Variants in TMEM201 observed in about 807,000 individuals in gnomAD.
TMEM201 encodes the protein transmembrane protein 201.
Under a neutral mutation model 63.4 loss-of-function variants are expected in TMEM201, and 26 were observed. That is an observed-to-expected ratio of 0.41 (90% CI 0.30 to 0.57). The LOEUF is 0.57. TMEM201 is among the 20% of genes least tolerant of loss of function. TMEM201 has a pLI of 0.29. For missense variants in TMEM201, 794 were observed against 917.7 expected, an observed-to-expected ratio of 0.87 and a Z score of 1.74; for synonymous variants, 417 against 421.6, an observed-to-expected ratio of 0.99 and a Z score of 0.14.
At position 9,595,951 on chromosome 1, in the gene TMEM201, T is replaced by A. The variant is rs763903933; in HGVS notation, c.175T>A (p.Tyr59Asn). The change falls in exon 2 of 11, where the codon TAT becomes AAT. Residue 59 changes from tyrosine to asparagine, a missense_variant. By Grantham distance (143) the Tyr-to-Asn change is moderately radical (BLOSUM62 -2). Coordinates refer to ENST00000340381, the MANE Select transcript of TMEM201 (RefSeq NM_001130924.3). ...CTGCAACCAGGATACGCTGGTGCCC[T>A]ATGGGAACCGCAACTGCTGGGACTG... is the stretch of plus-strand genomic sequence containing the variant. The part of the protein sequence containing the change: ...WFCNQDTLVP[Y>N]GNRNCWDCPH... The A allele has an allele frequency of 2.5e-6, 4 of 1,613,662 alleles. No individual in the cohort carries two copies. The highest frequency in any genetic ancestry group is 1.1e-5 in the South Asian group (1 of 91,064).
In TMEM201 at chr1:9,604,751, G is replaced by A. The variant is rs1055526663; in HGVS notation, c.1160+2479G>A. ...ACCGCCAGGACGCAGCCTCCACGCC[G>A]CACCTGCCACATTCAGCCCTGCCCA... On this transcript the variant is annotated intron_variant, in intron 6 of 10. Coordinates refer to ENST00000340381, the MANE Select transcript of TMEM201 (RefSeq NM_001130924.3). The surrounding 1 kb of genome is among the most constrained non-coding windows in gnomAD (Gnocchi z 4.1). 22 of 985,844 alleles carry A rather than the reference G, an allele frequency of 2.2e-5. No homozygotes were observed. The highest frequency in any genetic ancestry group is 1.1e-4 in the East Asian group (1 of 8,822). The allele number at this position is 985,844 out of a possible 1,614,324, so 61.1% of individuals were successfully genotyped here. A position where few individuals can be genotyped will look rare whatever the true frequency, so the allele number is the denominator to read the frequency against.
In TMEM201 at chr1:9,603,030, TG is replaced by T; in HGVS notation, c.1160+759del. On this transcript the variant is annotated intron_variant, in intron 6 of 10. Transcript: ENST00000340381. This position sits in a 1 kb window ranked among gnomAD's most constrained non-coding sequence, Gnocchi z 4.5. ...CCACCTGAGACAGGCAGTAGGAGCCTGTGCTGACCTTGGGGAATCTGAGCTT... is the reference window on the plus strand; with the variant it reads ...CCACCTGAGACAGGCAGTAGGAGCCTTGCTGACCTTGGGGAATCTGAGCTT... 1 of 985,502 alleles carries T rather than the reference TG, an allele frequency of 1.0e-6. No individual in the cohort carries two copies. 61.0% of individuals were successfully genotyped at this position (985,502 alleles called of 1,614,324 possible).
rs546311213 is a variant in TMEM201 at position 9,605,169 on chromosome 1, C to T, written c.1161-2388C>T. On this transcript the variant is annotated intron_variant, in intron 6 of 10. Coordinates refer to ENST00000340381, the MANE Select transcript of TMEM201 (RefSeq NM_001130924.3). This position sits in a 1 kb window ranked among gnomAD's most constrained non-coding sequence, Gnocchi z 5.7. ...CGTCTCAATAAACTGTTGCTTAAAA[C>T]GTGGTCTCTCTCCTTCCACTCCTGA... 1.1e-4 allele frequency among the ~76,000 whole-genome samples: 17 copies of T among 152,314 alleles called. No homozygotes were observed. In the South Asian group the frequency reaches 3.3e-3, roughly 30 times the overall value.
Position 9,588,936 on chromosome 1 carries a change from G to C in TMEM201, c.6G>C (p.Glu2Asp), listed in dbSNP as rs749767866. The C allele has an allele frequency of 2.6e-5, 33 of 1,284,444 alleles. No individual in the cohort carries two copies. Among genetic ancestry groups the C allele is most frequent in the Non-Finnish European group, 3.0e-5 (30 of 996,852 alleles). The allele number at this position is 1,284,444 out of a possible 1,614,324, so 79.6% of individuals were successfully genotyped here. ...GTCCTTCCACGCGGAGAGCCATGGA[G>C]GGAGTGAGCGCGCTGCTGGCCCGCT... M[E>D]GVSALLARCP... The change falls in exon 1 of 11, where the codon GAG becomes GAC. Residue 2 changes from glutamate to aspartate, a missense_variant. Glu to Asp is a conservative substitution (Grantham distance 45). Transcript: ENST00000340381.
intron 1 of TMEM201, among the ~76,000 whole-genome samples, chr1:9,593,553 C>A (rs186851713): frequency 1.3e-5 from 2 of 152,334 alleles, no homozygotes; most frequent in East Asian, 1.9e-4. Flanking sequence ...TGCCTCCCCC[C>A]TCTTCCGGGC....
At position 9,588,999 on chromosome 1, in the gene TMEM201, G is replaced by A; in HGVS notation, c.69G>A (p.Thr23=). The change falls in exon 1 of 11, where the codon ACG becomes ACA. Residue 23 remains threonine (T), a synonymous_variant. Transcript: ENST00000340381. ...TAGLAGGLGV[T]ACAAAGVLLY... ...GCCTGGCCGGCGGCCTGGGGGTCAC[G>A]GCGTGCGCCGCGGCCGGCGTGTTGC... The A allele has an allele frequency of 8.4e-7, 1 of 1,188,334 alleles. No individual in the cohort carries two copies. The highest frequency in any genetic ancestry group is 5.0e-5 in the East Asian group (1 of 20,142). The allele number at this position is 1,188,334 out of a possible 1,614,324, so 73.6% of individuals were successfully genotyped here. A position where few individuals can be genotyped will look rare whatever the true frequency, so the allele number is the denominator to read the frequency against.
chr1:9,600,135 C>G (rs952267037), intron 4 of TMEM201, among the ~76,000 whole-genome samples: 15 of 152,142 alleles, frequency 9.9e-5, no homozygotes, highest in Non-Finnish European at 1.9e-4. Flanking sequence ...ACCCAGGTCA[C>G]ATCTAGAGAC....
At chr1:9,602,663 G>T in intron 6 of TMEM201, 2 of 1,138,010 alleles carry the variant, frequency 1.8e-6, no homozygotes, top group Non-Finnish European at 2.2e-6. Flanking sequence ...ACACTGTTGG[G>T]TGAGGGTCCT....
At chr1:9,590,485 T>G (rs1012042407) in intron 1 of TMEM201, among the ~76,000 whole-genome samples, 4 of 152,174 alleles carry the variant, frequency 2.6e-5, no homozygotes, top group Admixed American at 2.0e-4. Flanking sequence ...AGGCTGGACT[T>G]GGACTGGGTG....
intron 6 of TMEM201, 166 bp downstream of exon 6, chr1:9,602,438 C>T: frequency 4.8e-6 from 7 of 1,453,498 alleles, no homozygotes; most frequent in South Asian, 4.2e-5. Flanking sequence ...TCCACTGCCT[C>T]GAAGAGTCAG....
Position 9,604,686 on chromosome 1 carries a change from C to A in TMEM201, c.1160+2414C>A. The A allele has an allele frequency of 1.0e-6, 1 of 985,846 alleles. No homozygotes were observed. Among genetic ancestry groups the A allele is most frequent in the Non-Finnish European group, 1.2e-6 (1 of 829,982 alleles). The allele number at this position is 985,846 out of a possible 1,614,324, so 61.1% of individuals were successfully genotyped here. A position where few individuals can be genotyped will look rare whatever the true frequency, so the allele number is the denominator to read the frequency against. ...CACCCTCAGACTTGAGGTCCCCACC[C>A]AGGCCAAGCCGGCCCCCCGTACCCC... On this transcript the variant is annotated intron_variant, in intron 6 of 10. Coordinates refer to ENST00000340381, the MANE Select transcript of TMEM201 (RefSeq NM_001130924.3). The surrounding 1 kb of genome is among the most constrained non-coding windows in gnomAD (Gnocchi z 4.1).
At chr1:9,596,835 T>C (rs759886169) in intron 2 of TMEM201, 24 bp from the exon 3 acceptor site, 1 of 1,561,728 alleles carries the variant, frequency 6.4e-7, no homozygotes, top group Non-Finnish European at 8.7e-7. Flanking sequence ...CCTGCCTGCC[T>C]CGAGTCCCAC....
Position 9,604,359 on chromosome 1 carries a change from C to CAGCAGAGTGA in TMEM201, c.1160+2088_1160+2097dup. ...AAGCGACATCTCAGGAGGTAGCTCT[C>CAGCAGAGTGA]AGCAGAGTGAGGATTCCTGCCTTTC... On this transcript the variant is annotated intron_variant, in intron 6 of 10. Coordinates refer to ENST00000340381, the MANE Select transcript of TMEM201 (RefSeq NM_001130924.3). This position sits in a 1 kb window ranked among gnomAD's most constrained non-coding sequence, Gnocchi z 4.1. 1.0e-6 allele frequency: 1 copy of CAGCAGAGTGA among 985,454 alleles called. No individual in the cohort carries two copies. Among genetic ancestry groups the CAGCAGAGTGA allele is most frequent in the Non-Finnish European group, 1.2e-6 (1 of 829,936 alleles). 61.0% of individuals were successfully genotyped at this position (985,454 alleles called of 1,614,324 possible). A position where few individuals can be genotyped will look rare whatever the true frequency, so the allele number is the denominator to read the frequency against.
chr1:9,596,030 G>A lies in TMEM201; in HGVS notation c.234+20G>A, dbSNP rs376930234. Reference sequence around the variant, plus strand: ...CAGGAGGTGTGGGTCACAGGCAGGCGGACGGGTGGGCACGCGGGGGTGGGG... The same window carrying A: ...CAGGAGGTGTGGGTCACAGGCAGGCAGACGGGTGGGCACGCGGGGGTGGGG... On this transcript the variant is annotated intron_variant, in intron 2 of 10. Coordinates refer to ENST00000340381, the MANE Select transcript of TMEM201 (RefSeq NM_001130924.3). 2.7e-5 allele frequency: 44 copies of A among 1,609,294 alleles called. No individual in the cohort carries two copies. The highest frequency in any genetic ancestry group is 2.2e-4 in the East Asian group (10 of 44,872).
intron 4 of TMEM201, among the ~76,000 whole-genome samples, chr1:9,600,301 G>C (rs1433878715): frequency 2.6e-5 from 4 of 152,172 alleles, no homozygotes; most frequent in Non-Finnish European, 5.9e-5. Context: ...TCAAACCCTG[G>C]AGCCACTGCA....
rs1644314548 is a variant in TMEM201, at chr1:9,610,851, T to C, written c.1765+46T>C. On this transcript the variant is annotated intron_variant, in intron 9 of 10. Coordinates refer to ENST00000340381, the MANE Select transcript of TMEM201 (RefSeq NM_001130924.3). This position sits in a 1 kb window ranked among gnomAD's most constrained non-coding sequence, Gnocchi z 4.9. ...CAAGGGGCCGTGGGAGGGCCTCTGC[T>C]GCCAAGAGGCCTGGCTGTGCGGCGG... 6.7e-7 allele frequency: 1 copy of C among 1,501,940 alleles called. No individual in the cohort carries two copies. Among genetic ancestry groups the C allele is most frequent in the Admixed American group, 2.1e-5 (1 of 48,248 alleles). The allele number at this position is 1,501,940 out of a possible 1,614,324, so 93.0% of individuals were successfully genotyped here.
rs1246451962 is a variant in TMEM201 at position 9,612,273 on chromosome 1, CG to C, written c.1903+385del. On this transcript the variant is annotated intron_variant, in intron 10 of 10. Transcript: ENST00000340381. ...ACATACCGAAGGCTGCCATCCTGGC[CG>C]GAAGTGCCCAGAGAGCCTGGGTGCA... 3.3e-5 allele frequency among the ~76,000 whole-genome samples: 5 copies of C among 152,228 alleles called. No homozygotes were observed. In the East Asian group the frequency reaches 5.8e-4, roughly 18 times the overall value.
intron 7 of TMEM201, among the ~76,000 whole-genome samples, chr1:9,609,418 G>A (rs1433164373): frequency 1.3e-5 from 2 of 152,226 alleles, no homozygotes; most frequent in Admixed American, 1.3e-4. Context: ...GGCAGTTGGG[G>A]TCTGCAATTA....
rs149234715 is a variant in TMEM201, at chr1:9,601,013, T to A, written c.607-92T>A. 1.2e-3 allele frequency: 1,387 copies of A among 1,144,440 alleles called. 11 individuals carry two copies. The African/African-American group carries it at 0.019, about 16-fold the overall frequency. The allele number at this position is 1,144,440 out of a possible 1,614,324, so 70.9% of individuals were successfully genotyped here. A position where few individuals can be genotyped will look rare whatever the true frequency, so the allele number is the denominator to read the frequency against. On this transcript the variant is annotated intron_variant, in intron 4 of 10. Coordinates refer to ENST00000340381, the MANE Select transcript of TMEM201 (RefSeq NM_001130924.3). ...AGCCCAGGATGTGTGAGAACATGGG[T>A]CTGGCCAGAACCCCGCACAGACTGG...
Sources: allele counts gnomAD v4.1 joint callset (sites outside exome capture counted in the v4.1 genomes callset), GRCh38; gene constraint gnomAD v4.1.1; non-coding constraint Gnocchi (gnomAD v3.1); transcripts MANE v1.5; gene names NCBI Gene and HGNC (gene_info 2026-07-23, HGNC 2026-07-21).